NPAS3: variants seen among roughly 807,000 people sequenced by gnomAD.
NPAS3 encodes the protein neuronal PAS domain-containing protein 3.
NPAS3 carries 14 observed loss-of-function variants against 73.1 expected under a neutral mutation model. The ratio of observed to expected loss-of-function variants is 0.19; its 90% CI spans 0.13 to 0.30. The LOEUF (loss-of-function observed/expected upper bound fraction) is 0.30. Ranked by LOEUF, NPAS3 falls within the 10% of genes least tolerant of loss-of-function variation. The pLI, the probability that NPAS3 is intolerant of heterozygous loss-of-function variation, is 1.00. For synonymous variants in NPAS3, 620 were observed against 541.5 expected (o/e 1.14, Z -2.01); for missense variants, 1,096 against 1,250.0 (o/e 0.88, Z 1.86).
downstream of NPAS3, chr14:33,802,392 G>GAAAAAAA: frequency 1.1e-5 from 1 of 92,212 alleles, no homozygotes; most frequent in African/African-American, 3.7e-5. Context: ...AAAAAAAAAA[G>GAAAAAAA]AAAAAAAAAA....
intron 4 of NPAS3, among the ~76,000 whole-genome samples, chr14:33,397,218 G>C (rs1400649346): frequency 1.3e-5 from 2 of 152,084 alleles, no homozygotes; most frequent in Non-Finnish European, 1.5e-5. Flanking sequence ...TTAACTCCTG[G>C]AAGAGAGGCT....
Position 33,328,446 on chromosome 14 carries a change from C to CTTTTTTTTTTTTT in NPAS3, c.386-38714_386-38702dup, listed in dbSNP as rs58411120. ...TTTATCTTTCTTTTCCTTTTCTTTT[C>CTTTTTTTTTTTTT]TTTTTTTTTTTTTTTTTTTTTTTTT... On this transcript the variant is annotated intron_variant, in intron 3 of 11. Transcript: ENST00000356141. Among the ~76,000 whole-genome samples the CTTTTTTTTTTTTT allele has an allele frequency of 1.1e-3, 53 of 49,598 alleles. 16 individuals carry two copies. The highest frequency in any genetic ancestry group is 0.04 in the Middle Eastern group (2 of 50). 32.5% of individuals were successfully genotyped at this position (49,598 alleles called of 152,430 possible).
chr14:33,567,323 T>C (rs2056006575), intron 5 of NPAS3, among the ~76,000 whole-genome samples: 1 of 152,204 alleles, frequency 6.6e-6, no homozygotes, highest in African/African-American at 2.4e-5. Context: ...TGCTGCAGTC[T>C]CATGCGACAA....
chr14:32,968,189 A>G (rs577332702), intron 1 of NPAS3, among the ~76,000 whole-genome samples: 2 of 152,276 alleles, frequency 1.3e-5, no homozygotes, highest in African/African-American at 4.8e-5. Flanking sequence ...ACAGTCAATA[A>G]TAATGTATTT....
chr14:33,708,381 G>A (rs867315716), intron 6 of NPAS3, among the ~76,000 whole-genome samples: 1 of 152,178 alleles, frequency 6.6e-6, no homozygotes, highest in African/African-American at 2.4e-5. Flanking sequence ...AGGTAAGAAA[G>A]AAAGAAAAAT....
At chr14:33,668,694 C>G (rs182595051) in intron 5 of NPAS3, among the ~76,000 whole-genome samples, 1 of 152,236 alleles carries the variant, frequency 6.6e-6, no homozygotes, top group Admixed American at 6.5e-5. Flanking sequence ...GGCTCAATAC[C>G]TATAATCCCA....
At chr14:33,041,241 G>T (rs1237920816) in intron 1 of NPAS3, among the ~76,000 whole-genome samples, 2 of 152,098 alleles carry the variant, frequency 1.3e-5, no homozygotes, top group Non-Finnish European at 2.9e-5. Flanking sequence ...AAAATAAGGT[G>T]CTATCTCAGG....
intron 5 of NPAS3, among the ~76,000 whole-genome samples, chr14:33,592,340 T>G (rs1402087805): frequency 6.6e-6 from 1 of 152,174 alleles, no homozygotes; most frequent in African/African-American, 2.4e-5. Context: ...GAAAATGAAG[T>G]TTGAAATGTG....
At chr14:33,653,215 C>T (rs2059049304) in intron 5 of NPAS3, among the ~76,000 whole-genome samples, 1 of 152,202 alleles carries the variant, frequency 6.6e-6, no homozygotes, top group Non-Finnish European at 1.5e-5. Context: ...ACCTTGCCAA[C>T]AGCTACCTAA....
At chr14:33,296,557 G>C (rs903121357) in intron 3 of NPAS3, among the ~76,000 whole-genome samples, 5 of 152,178 alleles carry the variant, frequency 3.3e-5, no homozygotes, top group Non-Finnish European at 7.4e-5. Context: ...AGGGCACCTG[G>C]GGTGCAGCTG....
At chr14:33,043,053 CAAATTT>C (rs892309994) in intron 1 of NPAS3, among the ~76,000 whole-genome samples, 3 of 152,152 alleles carry the variant, frequency 2.0e-5, no homozygotes, top group African/African-American at 7.2e-5. Flanking sequence ...CTCCTCCACT[CAAATTT>C]ATTTTTGAGA....
At position 32,959,456 on chromosome 14, in the gene NPAS3, T is replaced by C. The variant is rs928536287; in HGVS notation, c.50+20090T>C. ...GTCTAATGTTATTAAAGTTATAAAATTGAAATAAGCTAAGCCTTCAGAAAA... is the reference window on the plus strand; with the variant it reads ...GTCTAATGTTATTAAAGTTATAAAACTGAAATAAGCTAAGCCTTCAGAAAA... On this transcript the variant is annotated intron_variant, in intron 1 of 11. Coordinates refer to ENST00000356141, the Ensembl canonical transcript of NPAS3. 5.9e-5 allele frequency among the ~76,000 whole-genome samples: 9 copies of C among 152,362 alleles called. No individual in the cohort carries two copies. In the East Asian group the frequency reaches 1.7e-3, roughly 29 times the overall value.
intron 4 of NPAS3, among the ~76,000 whole-genome samples, chr14:33,405,908 A>G (rs1002802979): frequency 6.6e-6 from 1 of 152,066 alleles, no homozygotes; most frequent in Non-Finnish European, 1.5e-5. Flanking sequence ...AATTGAGTCT[A>G]TTAGGAACCA....
intron 3 of NPAS3, among the ~76,000 whole-genome samples, chr14:33,285,803 C>G (rs2041850462): frequency 6.6e-6 from 1 of 152,136 alleles, no homozygotes; most frequent in Non-Finnish European, 1.5e-5. Flanking sequence ...TGTTTAGAAG[C>G]CTAAATCTAC....
rs1236849987 is a variant in NPAS3, at chr14:33,367,667, T to TG, written c.468+399_468+400insG. Among the ~76,000 whole-genome samples, 363 of 151,232 alleles carry TG rather than the reference T, an allele frequency of 2.4e-3. 2 individuals are homozygous for TG. Among genetic ancestry groups the TG allele is most frequent in the African/African-American group, 7.9e-3 (324 of 41,190 alleles). ...TGAAAGTACTGTGATTTTTTTTTTT[T>TG]TGTGTCGCCAAATTTCAGTTCTTTG... On this transcript the variant is annotated intron_variant, in intron 4 of 11. Coordinates refer to ENST00000356141, the Ensembl canonical transcript of NPAS3.
intron 5 of NPAS3, among the ~76,000 whole-genome samples, chr14:33,581,788 G>A (rs1238474304): frequency 6.6e-6 from 1 of 152,106 alleles, no homozygotes; most frequent in African/African-American, 2.4e-5. Context: ...TGCCCAGGCT[G>A]GTCTCGAATT....
intron 9 of NPAS3, among the ~76,000 whole-genome samples, chr14:33,789,746 G>A (rs2063298649): frequency 1.5e-5 from 2 of 135,362 alleles, no homozygotes; most frequent in African/African-American, 2.9e-5. Flanking sequence ...CCGCCACCAC[G>A]CCCGGCTAAT....
intron 5 of NPAS3, among the ~76,000 whole-genome samples, chr14:33,650,736 CT>C (rs958177436): frequency 9.8e-5 from 14 of 142,412 alleles, no homozygotes; most frequent in African/African-American, 4.0e-4. Context: ...TGGAGAAAAT[CT>C]TTTCCTCTCT....
intron 4 of NPAS3, among the ~76,000 whole-genome samples, chr14:33,535,251 C>A (rs1054707172): frequency 7.9e-5 from 12 of 152,138 alleles, no homozygotes; most frequent in African/African-American, 2.9e-4. Flanking sequence ...TATCCCTTTT[C>A]ACTATCATTC....
Sources: allele counts gnomAD v4.1 joint callset (sites outside exome capture counted in the v4.1 genomes callset), GRCh38; gene constraint gnomAD v4.1.1; transcripts MANE v1.5; gene names NCBI Gene and HGNC (gene_info 2026-07-23, HGNC 2026-07-21).